Variants in ITPR2 observed in about 807,000 individuals in gnomAD.
The protein encoded by ITPR2 is inositol 1,4,5-trisphosphate receptor type 2.
ITPR2 carries 207 observed loss-of-function variants against 317.1 expected under a neutral mutation model. That is an observed-to-expected ratio of 0.65 (90% CI 0.58 to 0.73). The LOEUF (loss-of-function observed/expected upper bound fraction) is 0.73. Among genes scored for constraint, ITPR2 ranks in the 30% least tolerant of loss-of-function variants. The pLI is 0.00. For missense variants in ITPR2, 2,613 were observed against 3,284.0 expected, an observed-to-expected ratio of 0.80 and a Z score of 4.99; for synonymous variants, 1,156 against 1,149.1, an observed-to-expected ratio of 1.01 and a Z score of -0.12.
chr12:26,652,101 A>C (rs1947269306), intron 21 of ITPR2, among the ~76,000 whole-genome samples: 1 of 151,986 alleles, frequency 6.6e-6, no homozygotes, highest in African/African-American at 2.4e-5. Context: ...TCTAAGGGTG[A>C]TTTTCATACA....
chr12:26,335,599 G>A lies in ITPR2; in HGVS notation c.*3798C>T, dbSNP rs1286666663. ...TTTTCACATGCACGTTAGGCTATCT[G>A]GTTTTGATAGTGCGTGTTTTCTTCT... is the stretch of plus-strand genomic sequence containing the variant. On this transcript the variant is annotated 3_prime_UTR_variant, in exon 57 of 57. Transcript: ENST00000381340. 6.6e-6 allele frequency among the ~76,000 whole-genome samples: 1 copy of A among 152,162 alleles called. No individual in the cohort carries two copies. The highest frequency in any genetic ancestry group is 2.4e-5 in the African/African-American group (1 of 41,444).
At chr12:26,626,021 G>C (rs911069991) in intron 23 of ITPR2, among the ~76,000 whole-genome samples, 1 of 152,166 alleles carries the variant, frequency 6.6e-6, no homozygotes, top group African/African-American at 2.4e-5. Context: ...GAGTGCAGTG[G>C]CACAACTTCA....
chr12:26,509,958 T>TTG (rs56063133), intron 37 of ITPR2, among the ~76,000 whole-genome samples: 3,221 of 53,310 alleles, frequency 0.06, 123 homozygotes, highest in Middle Eastern at 0.077. Context: ...GATAAGGGTT[T>TTG]TGTGTGTGTG....
intron 40 of ITPR2, 89 bp from the exon 41 acceptor site, chr12:26,486,449 TAAC>T (rs1942671155): frequency 9.6e-7 from 1 of 1,040,458 alleles, no homozygotes; most frequent in African/African-American, 1.6e-5. Flanking sequence ...CCAAATTCTC[TAAC>T]AATTGAATTA....
intron 52 of ITPR2, among the ~76,000 whole-genome samples, chr12:26,409,111 A>G (rs1181467019): frequency 6.6e-6 from 1 of 152,196 alleles, no homozygotes; most frequent in Admixed American, 6.5e-5. Context: ...GGACACCTGT[A>G]GACCTGAATT....
chr12:26,819,370 A>G (rs1415447109), intron 1 of ITPR2, among the ~76,000 whole-genome samples: 1 of 152,252 alleles, frequency 6.6e-6, no homozygotes, highest in African/African-American at 2.4e-5. Context: ...TAGATATGAT[A>G]TAAATTAACG....
chr12:26,397,616 T>C (rs1940040811), intron 54 of ITPR2, among the ~76,000 whole-genome samples: 1 of 152,146 alleles, frequency 6.6e-6, no homozygotes, highest in South Asian at 2.1e-4. Flanking sequence ...CCACTGAATA[T>C]AGCATAATAT....
chr12:26,726,460 C>T (rs1257292193), intron 2 of ITPR2, among the ~76,000 whole-genome samples: 1 of 152,128 alleles, frequency 6.6e-6, no homozygotes, highest in Non-Finnish European at 1.5e-5. Flanking sequence ...AGTTTCGCCA[C>T]ATGCTAATGA....
intron 5 of ITPR2, among the ~76,000 whole-genome samples, chr12:26,716,464 T>A (rs560454680): frequency 3.3e-5 from 5 of 152,288 alleles, no homozygotes; most frequent in African/African-American, 1.2e-4. Context: ...TCTGGATTCA[T>A]AAAGCTAGTG....
intron 1 of ITPR2, among the ~76,000 whole-genome samples, chr12:26,794,658 C>A (rs569910614): frequency 6.6e-6 from 1 of 152,346 alleles, no homozygotes; most frequent in Non-Finnish European, 1.5e-5. Flanking sequence ...CTTATCTTCC[C>A]AACCAAATGA....
intron 32 of ITPR2, among the ~76,000 whole-genome samples, chr12:26,592,990 G>A (rs1445267905): frequency 6.6e-6 from 1 of 152,158 alleles, no homozygotes; most frequent in Non-Finnish European, 1.5e-5. Flanking sequence ...CTAACCCTAT[G>A]GGGAATGTGA....
intron 26 of ITPR2, among the ~76,000 whole-genome samples, chr12:26,605,120 A>AAAATATATAT (rs1465336732): frequency 6.7e-5 from 7 of 104,240 alleles, no homozygotes; most frequent in African/African-American, 2.7e-4. Context: ...AAAAATAAAA[A>AAAATATATAT]ATAAAAATAT....
At chr12:26,829,675 C>A (rs539230089) in intron 1 of ITPR2, among the ~76,000 whole-genome samples, 1 of 152,248 alleles carries the variant, frequency 6.6e-6, no homozygotes, top group East Asian at 1.9e-4. Flanking sequence ...GGACACTATT[C>A]CAGTGAAGGC....
At chr12:26,406,469 G>A (rs912530006) in intron 52 of ITPR2, 2 of 121,604 alleles carry the variant, frequency 1.6e-5, no homozygotes, top group African/African-American at 6.3e-5. Flanking sequence ...ACAGTTGGTT[G>A]CCAGTTACTG....
intron 36 of ITPR2, among the ~76,000 whole-genome samples, chr12:26,555,454 C>T (rs1247678133): frequency 1.3e-5 from 2 of 152,164 alleles, no homozygotes; most frequent in African/African-American, 4.8e-5. Context: ...CTACATGTGA[C>T]GACCTGCGGA....
chr12:26,655,878 C>A, intron 19 of ITPR2, 26 bp from the exon 20 acceptor site: 1 of 1,586,684 alleles, frequency 6.3e-7, no homozygotes, highest in Non-Finnish European at 8.6e-7. Context: ...GAAGATAACG[C>A]AAGTTAAACT....
intron 52 of ITPR2, among the ~76,000 whole-genome samples, chr12:26,404,833 G>A (rs1432147344): frequency 6.6e-6 from 1 of 152,134 alleles, no homozygotes; most frequent in Non-Finnish European, 1.5e-5. Flanking sequence ...CACAGGGGTA[G>A]TTATAAAAGA....
intron 45 of ITPR2, among the ~76,000 whole-genome samples, chr12:26,456,762 A>T (rs1941896367): frequency 6.6e-6 from 1 of 151,934 alleles, no homozygotes; most frequent in Non-Finnish European, 1.5e-5. Context: ...AACCTCCACC[A>T]CCCGGGTTCA....
At chr12:26,595,683 T>C in intron 31 of ITPR2, 93 bp from the exon 32 acceptor site, 1 of 1,030,928 alleles carries the variant, frequency 9.7e-7, no homozygotes, top group Non-Finnish European at 1.4e-6. Flanking sequence ...ATCTGTTAGT[T>C]TTTATGGTAG....
Sources: allele counts gnomAD v4.1 joint callset (sites outside exome capture counted in the v4.1 genomes callset), GRCh38; gene constraint gnomAD v4.1.1; transcripts MANE v1.5; gene names NCBI Gene and HGNC (gene_info 2026-07-23, HGNC 2026-07-21).